The following TARBP1 variants were observed in gnomAD, a reference collection of about 807,000 sequenced individuals.
The protein encoded by TARBP1 is tRNA guanosine 2 -O-methyltransferase TARBP1.
In TARBP1, 144 loss-of-function variants were observed where a neutral mutation model predicts 178.6. The ratio of observed to expected loss-of-function variants is 0.81; its 90% CI spans 0.70 to 0.93. TARBP1 has a LOEUF of 0.93. TARBP1 is among the 40% of genes least tolerant of loss of function. The pLI is 0.00. For synonymous variants in TARBP1, 787 were observed against 781.0 expected (o/e 1.01, Z -0.13); for missense variants, 2,067 against 2,011.7 (o/e 1.03, Z -0.53).
chr1:234,467,732 A>C, intron 3 of TARBP1, 82 bp from the exon 4 acceptor site: 1 of 1,295,488 alleles, frequency 7.7e-7, no homozygotes, highest in South Asian at 1.8e-5. Flanking sequence ...AATAATGTAC[A>C]AACACACACA....
intron 22 of TARBP1, among the ~76,000 whole-genome samples, chr1:234,416,980 C>T (rs867507597): frequency 1.8e-4 from 27 of 152,160 alleles, no homozygotes; most frequent in Non-Finnish European, 2.2e-4. Context: ...GAGAGGGAAG[C>T]AAGTATGTGA....
chr1:234,468,410 G>T (rs1163974234), intron 3 of TARBP1, among the ~76,000 whole-genome samples: 2 of 152,144 alleles, frequency 1.3e-5, no homozygotes, highest in African/African-American at 4.8e-5. Flanking sequence ...GGAGGTTAGA[G>T]TGAGCCCAGG....
At position 234,433,404 on chromosome 1, in the gene TARBP1, G is replaced by T. The variant is rs763096122; in HGVS notation, c.2394+6C>A. The T allele has an allele frequency of 6.2e-7, 1 of 1,612,992 alleles. No individual in the cohort carries two copies. Among genetic ancestry groups the T allele is most frequent in the African/African-American group, 1.3e-5 (1 of 74,936 alleles). On this transcript the variant is annotated splice_donor_region_variant and intron_variant, in intron 14 of 29. Coordinates refer to ENST00000040877, the MANE Select transcript of TARBP1 (RefSeq NM_005646.4). ...TAACTACAAACCTTGAATCAAAGAGGCTTACCTGTCCACTGTCCATCTCTT... is the reference window on the plus strand; with the variant it reads ...TAACTACAAACCTTGAATCAAAGAGTCTTACCTGTCCACTGTCCATCTCTT...
intron 21 of TARBP1, among the ~76,000 whole-genome samples, chr1:234,419,744 A>G (rs923494406): frequency 6.6e-6 from 1 of 152,044 alleles, no homozygotes; most frequent in African/African-American, 2.4e-5. Flanking sequence ...AATAATACTA[A>G]AAGACCTATG....
In TARBP1 at chr1:234,393,779, A is replaced by G. The variant is rs757239043; in HGVS notation, c.4302T>C (p.Ile1434=). 6.8e-6 allele frequency: 11 copies of G among 1,613,836 alleles called. No homozygotes were observed. The highest frequency in any genetic ancestry group is 1.7e-5 in the Admixed American group (1 of 59,984). ...CGGAAACACGACTGTTCCACGGGAT[A>G]ATCTTCTTCTGAACGTCGGTCCACT... ...QAEWTDVQKK[I]IPWNSRVSDL... is the part of the protein sequence containing the mutation. The change falls in exon 27 of 30, where the codon ATT becomes ATC. Residue 1434 remains isoleucine, a synonymous_variant. Coordinates refer to ENST00000040877, the MANE Select transcript of TARBP1 (RefSeq NM_005646.4).
At position 234,446,851 on chromosome 1, in the gene TARBP1, A is replaced by G. The variant is rs780128979; in HGVS notation, c.2086T>C (p.Leu696=). The G allele has an allele frequency of 6.2e-7, 1 of 1,614,034 alleles. No individual in the cohort carries two copies. The highest frequency in any genetic ancestry group is 8.5e-7 in the Non-Finnish European group (1 of 1,179,972). Residue 696 remains leucine (L), a synonymous_variant, in exon 12 of 30, where the codon TTG becomes CTG. Transcript: ENST00000040877. The part of the protein sequence containing the change: ...LKTDRCLQLL[L]KLLNTCRLKG... ...AACCTGCATGTGTTCAACAGCTTCA[A>G]CAGCAGCTGGAGGCATCTGTCAGTC...
chr1:234,445,195 C>T (rs987460212), intron 12 of TARBP1, among the ~76,000 whole-genome samples: 7 of 152,092 alleles, frequency 4.6e-5, no homozygotes, highest in African/African-American at 9.7e-5. Context: ...ACACGTTCTT[C>T]GCTGGCTTCC....
At chr1:234,451,173 G>A (rs1002293041) in intron 9 of TARBP1, among the ~76,000 whole-genome samples, 35 of 152,140 alleles carry the variant, frequency 2.3e-4, no homozygotes, top group African/African-American at 8.2e-4. Context: ...TCTCTTAGAA[G>A]GTTTGCAAAT....
At chr1:234,446,381 A>G (rs557900510) in intron 12 of TARBP1, among the ~76,000 whole-genome samples, 1 of 152,348 alleles carries the variant, frequency 6.6e-6, no homozygotes, top group South Asian at 2.1e-4. Flanking sequence ...TTATAAAATT[A>G]CTGCCATTCT....
intron 24 of TARBP1, 90 bp from the exon 25 acceptor site, chr1:234,401,352 A>G: frequency 1.1e-6 from 1 of 938,162 alleles, no homozygotes; most frequent in Non-Finnish European, 1.7e-6. Context: ...GGGTGGCTGC[A>G]GAGTTGAGAA....
At chr1:234,428,760 T>C (rs977505968) in intron 17 of TARBP1, among the ~76,000 whole-genome samples, 1 of 152,086 alleles carries the variant, frequency 6.6e-6, no homozygotes, top group African/African-American at 2.4e-5. Flanking sequence ...TGGCCAGGCT[T>C]GTCTCGAGCT....
chr1:234,454,356 G>A (rs1667081080), intron 9 of TARBP1, among the ~76,000 whole-genome samples: 1 of 152,032 alleles, frequency 6.6e-6, no homozygotes, highest in Admixed American at 6.6e-5. Flanking sequence ...TGTGATAAAG[G>A]CTTATTTTTT....
Position 234,467,628 on chromosome 1 carries a change from G to A in TARBP1, c.1122C>T (p.Ser374=). The part of the protein sequence containing the change: ...EENGCWLFHP[S]WHMCIYKRMF... The stretch of plus-strand genomic sequence containing the variant: ...TTCTTTTATAAATACACATATGCCA[G>A]GATGGGTGAAAGAGCCAACATCCTG... Residue 374 remains serine, a synonymous_variant, in exon 4 of 30, where the codon TCC becomes TCT. Transcript: ENST00000040877. The A allele has an allele frequency of 6.3e-7, 1 of 1,595,140 alleles. No individual in the cohort carries two copies.
At chr1:234,410,811 G>A (rs901796151) in intron 22 of TARBP1, among the ~76,000 whole-genome samples, 1 of 152,252 alleles carries the variant, frequency 6.6e-6, no homozygotes, top group Admixed American at 6.5e-5. Context: ...AGTGGCTCAC[G>A]CCTATAATCC....
intron 19 of TARBP1, 118 bp downstream of exon 19, chr1:234,427,199 T>C (rs1244472870): frequency 4.7e-6 from 3 of 642,258 alleles, no homozygotes; most frequent in Non-Finnish European, 8.0e-6. Context: ...GCTCATCCCA[T>C]CTTATTAATA....
At chr1:234,462,915 T>C (rs1027967510) in intron 6 of TARBP1, among the ~76,000 whole-genome samples, 3 of 152,146 alleles carry the variant, frequency 2.0e-5, no homozygotes, top group Non-Finnish European at 4.4e-5. Context: ...AATACGTATT[T>C]CATACCTAGG....
chr1:234,469,848 C>T (rs965529186), intron 3 of TARBP1, among the ~76,000 whole-genome samples: 3 of 152,190 alleles, frequency 2.0e-5, no homozygotes, highest in African/African-American at 7.2e-5. Flanking sequence ...GAAATTATAT[C>T]CCGGAATTTT....
chr1:234,450,488 A>C lies in TARBP1; in HGVS notation c.1801T>G (p.Ser601Ala). The change falls in exon 10 of 30, where the codon TCT (serine) becomes GCT (alanine). Residue 601 changes from serine (S) to alanine (A), a missense_variant. Coordinates refer to ENST00000040877, the MANE Select transcript of TARBP1 (RefSeq NM_005646.4). Reference protein sequence around the residue: ...TCSSIGLHKTSLNAYVKSIVQ... With the variant: ...TCSSIGLHKTALNAYVKSIVQ... ...ATGCTCTTTACATAAGCATTTAAAG[A>C]TGTCTTGTGAAGTCCAATGGAGCTA... is the stretch of plus-strand genomic sequence containing the variant. The C allele has an allele frequency of 6.2e-7, 1 of 1,611,880 alleles. No homozygotes were observed. Among genetic ancestry groups the C allele is most frequent in the Non-Finnish European group, 8.5e-7 (1 of 1,179,252 alleles).
intron 5 of TARBP1, among the ~76,000 whole-genome samples, chr1:234,465,069 CGG>C (rs1558249466): frequency 9.2e-4 from 138 of 150,772 alleles, no homozygotes; most frequent in African/African-American, 3.2e-3. Context: ...GATGGATGAA[CGG>C]ATGGATGGAT....
Sources: allele counts gnomAD v4.1 joint callset (sites outside exome capture counted in the v4.1 genomes callset), GRCh38; gene constraint gnomAD v4.1.1; transcripts MANE v1.5; gene names NCBI Gene and HGNC (gene_info 2026-07-23, HGNC 2026-07-21).